Variants in DPP10 observed in about 807,000 individuals in gnomAD.
DPP10 encodes the protein dipeptidyl peptidase like 10, also known as inactive dipeptidyl peptidase 10.
DPP10 carries 33 observed loss-of-function variants against 120.9 expected under a neutral mutation model. The ratio of observed to expected loss-of-function variants is 0.27; its 90% CI spans 0.21 to 0.37. The LOEUF (loss-of-function observed/expected upper bound fraction) is 0.37, where lower values mean the gene tolerates loss of function less well. Among genes scored for constraint, DPP10 ranks in the 10% least tolerant of loss-of-function variants. DPP10 has a pLI of 1.00. For missense variants in DPP10, 816 were observed against 942.8 expected (o/e 0.87, Z 1.76); for synonymous variants, 337 against 326.1 (o/e 1.03, Z -0.36).
intron 1 of DPP10, chr2:115,297,373 A>G (rs2105956847): frequency 3.9e-6 from 1 of 256,376 alleles, no homozygotes; most frequent in South Asian, 3.4e-5. Context: ...TCTACAATGA[A>G]TATTCCACAT....
intron 3 of DPP10, among the ~76,000 whole-genome samples, chr2:115,344,235 T>A (rs1031958762): frequency 6.6e-6 from 1 of 152,182 alleles, no homozygotes; most frequent in African/African-American, 2.4e-5. Context: ...ACCTTGGTTC[T>A]TGTGAGAGAA....
rs184133760 is a variant in DPP10, at chr2:115,739,120, A to G, written c.698-619A>G. On this transcript the variant is annotated intron_variant, in intron 8 of 25. Coordinates refer to ENST00000410059, the MANE Select transcript of DPP10 (RefSeq NM_020868.6). ...TGAGGTAACATTGTAGGATAGAGCCAAGAGAATAAATAACCTGACTTTACT... is the reference window on the plus strand; with the variant it reads ...TGAGGTAACATTGTAGGATAGAGCCGAGAGAATAAATAACCTGACTTTACT... 1.4e-3 allele frequency among the ~76,000 whole-genome samples: 207 copies of G among 152,238 alleles called. 1 individual carries two copies. In the Middle Eastern group the frequency reaches 0.017, roughly 13 times the overall value.
intron 5 of DPP10, among the ~76,000 whole-genome samples, chr2:115,656,030 A>G (rs775041455): frequency 1.3e-5 from 2 of 151,536 alleles, no homozygotes; most frequent in Non-Finnish European, 3.0e-5. Flanking sequence ...ATAATAAATA[A>G]GTTCTAAATA....
intron 1 of DPP10, among the ~76,000 whole-genome samples, chr2:114,948,527 A>G (rs774341898): frequency 1.3e-5 from 2 of 152,142 alleles, no homozygotes; most frequent in Non-Finnish European, 2.9e-5. Flanking sequence ...AAAAATTCAG[A>G]CCTTATTTTT....
chr2:114,729,043 A>G (rs1156462843), intron 1 of DPP10, among the ~76,000 whole-genome samples: 1 of 152,256 alleles, frequency 6.6e-6, no homozygotes, highest in Non-Finnish European at 1.5e-5. Flanking sequence ...CAGGGTTTAT[A>G]AAATGCTGAG....
At chr2:115,025,807 G>T (rs1703418430) in intron 1 of DPP10, among the ~76,000 whole-genome samples, 1 of 151,742 alleles carries the variant, frequency 6.6e-6, no homozygotes, top group Non-Finnish European at 1.5e-5. Context: ...TGTCTTCTTT[G>T]AGAAATGTTT....
chr2:115,776,248 C>T (rs948229863), intron 13 of DPP10, among the ~76,000 whole-genome samples: 1 of 152,058 alleles, frequency 6.6e-6, no homozygotes, highest in Non-Finnish European at 1.5e-5. Context: ...GTTTGCTGCA[C>T]CCATCAACCC....
chr2:115,674,899 A>T (rs1325393713), intron 5 of DPP10, among the ~76,000 whole-genome samples: 4 of 152,178 alleles, frequency 2.6e-5, no homozygotes, highest in Non-Finnish European at 5.9e-5. Context: ...CTAGAGTTCC[A>T]TTCTCTCTTG....
At chr2:114,895,068 T>G (rs1396358565) in intron 1 of DPP10, among the ~76,000 whole-genome samples, 1 of 152,214 alleles carries the variant, frequency 6.6e-6, no homozygotes, top group African/African-American at 2.4e-5. Context: ...ACTTCCTATA[T>G]AGTTGTTGAG....
chr2:114,514,120 C>T (rs1361983533), intron 1 of DPP10, among the ~76,000 whole-genome samples: 2 of 152,124 alleles, frequency 1.3e-5, no homozygotes, highest in Admixed American at 6.5e-5. Context: ...CACATTCTAC[C>T]TCCATCATAA....
chr2:115,561,679 G>T (rs1208944060), intron 5 of DPP10, among the ~76,000 whole-genome samples: 1 of 152,044 alleles, frequency 6.6e-6, no homozygotes, highest in African/African-American at 2.4e-5. Context: ...AACCAGTGTT[G>T]CAATGGCTAT....
intron 3 of DPP10, among the ~76,000 whole-genome samples, chr2:115,427,098 G>A (rs2070546662): frequency 6.6e-6 from 1 of 152,190 alleles, no homozygotes; most frequent in Non-Finnish European, 1.5e-5. Flanking sequence ...TTGATGAAAT[G>A]TCCCACATAC....
chr2:115,010,132 C>G lies in DPP10; in HGVS notation c.61-299107C>G, dbSNP rs550292266. Among the ~76,000 whole-genome samples the G allele has an allele frequency of 2.0e-5, 3 of 152,270 alleles. No individual in the cohort carries two copies. In the East Asian group the frequency reaches 5.8e-4, roughly 29 times the overall value. On this transcript the variant is annotated intron_variant, in intron 1 of 25. Transcript: ENST00000410059. ...TATTATTGTAGCCAATTAAGTAAAG[C>G]TAATCCAGACATCTATGCATCAAGT...
chr2:115,689,707 T>G lies in DPP10; in HGVS notation c.462T>G (p.Thr154=). ...DVKQIFHYSY[T]ASYVIYNIHT... ...TTCAGATTTTTCATTATTCGTATAC[T>G]GCTTCATATGTGATTTACAACATAC... Residue 154 remains threonine, a synonymous_variant, in exon 6 of 26, where the codon ACT becomes ACG. Transcript: ENST00000410059. 1 of 1,582,394 alleles carries G rather than the reference T, an allele frequency of 6.3e-7. No individual in the cohort carries two copies. The highest frequency in any genetic ancestry group is 1.1e-5 in the South Asian group (1 of 88,412).
At chr2:114,855,737 A>G (rs7604124) in intron 1 of DPP10, among the ~76,000 whole-genome samples, 35,744 of 152,118 alleles carry the variant, frequency 0.23, 4,561 homozygotes, top group South Asian at 0.41. Flanking sequence ...AATTTACAAG[A>G]GACAATTTTA....
chr2:114,445,060 C>T (rs1293962737), intron 1 of DPP10, among the ~76,000 whole-genome samples: 1 of 151,976 alleles, frequency 6.6e-6, no homozygotes, highest in Non-Finnish European at 1.5e-5. Context: ...AATGCAATAA[C>T]AATCTAAAGA....
intron 19 of DPP10, among the ~76,000 whole-genome samples, chr2:115,812,948 T>G (rs1686802774): frequency 7.0e-6 from 1 of 142,578 alleles, no homozygotes; most frequent in Admixed American, 7.0e-5. Flanking sequence ...TAACTAAATA[T>G]CTCTGACTGG....
chr2:115,697,763 A>C (rs2091672019), intron 7 of DPP10, among the ~76,000 whole-genome samples: 1 of 151,978 alleles, frequency 6.6e-6, no homozygotes, highest in South Asian at 2.1e-4. Context: ...AGGCGGGCGG[A>C]TCACGAGGTC....
intron 5 of DPP10, among the ~76,000 whole-genome samples, chr2:115,656,565 G>A (rs1034438827): frequency 9.9e-5 from 15 of 151,518 alleles, no homozygotes; most frequent in East Asian, 1.9e-4. Context: ...GGATTTACTC[G>A]TCATTAAGTT....
Sources: allele counts gnomAD v4.1 joint callset (sites outside exome capture counted in the v4.1 genomes callset), GRCh38; gene constraint gnomAD v4.1.1; transcripts MANE v1.5; gene names NCBI Gene and HGNC (gene_info 2026-07-23, HGNC 2026-07-21).